Variants in GALNS observed in about 807,000 individuals in gnomAD.
GALNS encodes the protein galactosamine (N-acetyl)-6-sulfatase, also known as N-acetylgalactosamine-6-sulfatase.
In GALNS, 65 loss-of-function variants were observed where a neutral mutation model predicts 65.9. The observed-to-expected ratio is 0.99, with a 90% confidence interval of 0.81 to 1.21. The LOEUF is 1.21. Ranked by LOEUF, GALNS falls within the 50% of genes most tolerant of loss-of-function variation. GALNS has a pLI of 0.00. For missense variants in GALNS, 776 were observed against 700.7 expected, an observed-to-expected ratio of 1.11 and a Z score of -1.21; for synonymous variants, 346 against 288.9, an observed-to-expected ratio of 1.20 and a Z score of -2.00.
At chr16:88,854,395 G>A (rs181265950) in intron 1 of GALNS, among the ~76,000 whole-genome samples, 9 of 152,238 alleles carry the variant, frequency 5.9e-5, no homozygotes, top group Non-Finnish European at 7.3e-5. Flanking sequence ...GGGCTCCACT[G>A]TGAGCTTCTG....
chr16:88,841,630 C>T (rs921553810), intron 3 of GALNS, among the ~76,000 whole-genome samples: 7 of 152,216 alleles, frequency 4.6e-5, no homozygotes, highest in Admixed American at 4.6e-4. Context: ...GCTCACCCGC[C>T]TGGGGAGTGG....
In GALNS at chr16:88,815,607, G is replaced by C. The variant is rs560849283; in HGVS notation, c.1483-1082C>G. 1.0e-5 allele frequency: 10 copies of C among 985,372 alleles called. No homozygotes were observed. In the African/African-American group the frequency reaches 1.6e-4, roughly 15 times the overall value. The allele number at this position is 985,372 out of a possible 1,614,324, so 61.0% of individuals were successfully genotyped here. On this transcript the variant is annotated intron_variant, in intron 13 of 13. Coordinates refer to ENST00000268695, the MANE Select transcript of GALNS (RefSeq NM_000512.5). ...GCTGAAATGAGTGCAGTTTGGTTCT[G>C]TGTCCCCATCCAGGCCACTTCTGTG...
At chr16:88,836,578 C>T (rs1225621906) in intron 5 of GALNS, among the ~76,000 whole-genome samples, 1 of 152,016 alleles carries the variant, frequency 6.6e-6, no homozygotes, top group African/African-American at 2.4e-5. Context: ...TGCTTGAACC[C>T]AGGAGGCGGA....
rs767033193 is a variant in GALNS at position 88,835,748 on chromosome 16, G to T, written c.735C>A (p.Phe245Leu). 2 of 1,614,136 alleles carry T rather than the reference G, an allele frequency of 1.2e-6. No homozygotes were observed. Among genetic ancestry groups the T allele is most frequent in the Non-Finnish European group, 1.7e-6 (2 of 1,180,036 alleles). Residue 245 changes from phenylalanine to leucine, a missense_variant, in exon 7 of 14, where the codon TTC becomes TTA. Physicochemically the swap from Phe to Leu is conservative, Grantham distance 22. Coordinates refer to ENST00000268695, the MANE Select transcript of GALNS (RefSeq NM_000512.5). ...ACCGCCCTCGCTGACTGGTGCCCAA[G>T]AAGGGTTTGGAGGCATAGACGGGTG... The part of the protein sequence containing the change: ...THAPVYASKP[F>L]LGTSQRGRYG...
rs555819580 is a variant in GALNS at position 88,819,323 on chromosome 16, G to A, written c.1365-1199C>T. Among the ~76,000 whole-genome samples, 18 of 152,276 alleles carry A rather than the reference G, an allele frequency of 1.2e-4. No homozygotes were observed. In the South Asian group the frequency reaches 1.9e-3, roughly 16 times the overall value. On this transcript the variant is annotated intron_variant, in intron 12 of 13. Coordinates refer to ENST00000268695, the MANE Select transcript of GALNS (RefSeq NM_000512.5). The stretch of plus-strand genomic sequence containing the variant: ...CTTCAGGGCTCCCCGCTTGGTGCCC[G>A]CGGAGATGCCTGTCCTGGTCCCAGC...
At chr16:88,837,522 A>G (rs1457082276) in intron 5 of GALNS, 100 bp downstream of exon 5, 4 of 1,263,188 alleles carry the variant, frequency 3.2e-6, no homozygotes, top group South Asian at 1.2e-5. Context: ...ACCAGCCCTC[A>G]TGAGTGGCGA....
chr16:88,846,509 C>CTTTTTTTT (rs59223444), intron 1 of GALNS, among the ~76,000 whole-genome samples: 4 of 88,702 alleles, frequency 4.5e-5, no homozygotes, highest in Non-Finnish European at 6.4e-5. Context: ...GCGTTTCTGG[C>CTTTTTTTT]TTTTTTTTTT....
Position 88,841,062 on chromosome 16 carries a change from G to C in GALNS, c.352C>G (p.Pro118Ala). The C allele has an allele frequency of 6.2e-7, 1 of 1,613,102 alleles. No homozygotes were observed. The highest frequency in any genetic ancestry group is 2.2e-5 in the East Asian group (1 of 44,874). The change falls in exon 4 of 14, where the codon CCA becomes GCA. Residue 118 changes from proline to alanine, a missense_variant. By Grantham distance (27) the Pro-to-Ala change is conservative. Coordinates refer to ENST00000268695, the MANE Select transcript of GALNS (RefSeq NM_000512.5). ...YTPQEIVGGI[P>A]DSEQLLPELL... ...TCCGGCAGGAGCTGCTCCGAGTCTGGGATGCCGCCCACAATCTCCTGCGGT... is the reference window on the plus strand; with the variant it reads ...TCCGGCAGGAGCTGCTCCGAGTCTGCGATGCCGCCCACAATCTCCTGCGGT...
intron 9 of GALNS, among the ~76,000 whole-genome samples, chr16:88,827,731 C>A (rs1432392211): frequency 1.3e-5 from 2 of 152,226 alleles, no homozygotes; most frequent in Non-Finnish European, 2.9e-5. Flanking sequence ...CAGGCATGAG[C>A]CCGGCGGCCC....
intron 12 of GALNS, among the ~76,000 whole-genome samples, chr16:88,820,851 G>A (rs1451950003): frequency 6.6e-6 from 1 of 152,202 alleles, no homozygotes; most frequent in Non-Finnish European, 1.5e-5. Flanking sequence ...TGTGGGGGGT[G>A]TGGCGGGCAC....
In GALNS at chr16:88,841,038, C is replaced by A. The variant is rs1177468816; in HGVS notation, c.376G>T (p.Glu126Ter). ...ACGTAGCCGGCCTTCTTCAGAAGCTCCGGCAGGAGCTGCTCCGAGTCTGGG... is the reference window on the plus strand; with the variant it reads ...ACGTAGCCGGCCTTCTTCAGAAGCTACGGCAGGAGCTGCTCCGAGTCTGGG... ...GIPDSEQLLP[E>*]LLKKAGYVSK... Residue 126 changes from glutamate to a stop codon, truncating the protein, a stop_gained, in exon 4 of 14, where the codon GAG (glutamate) becomes TAG (stop). Coordinates refer to ENST00000268695, the MANE Select transcript of GALNS (RefSeq NM_000512.5). LOFTEE classifies it high-confidence loss of function. 8.1e-6 allele frequency: 13 copies of A among 1,613,248 alleles called. No individual in the cohort carries two copies. Among genetic ancestry groups the A allele is most frequent in the Non-Finnish European group, 1.1e-5 (13 of 1,180,016 alleles).
chr16:88,815,356 C>A, intron 13 of GALNS: 1 of 985,490 alleles, frequency 1.0e-6, no homozygotes, highest in Non-Finnish European at 1.2e-6. Context: ...ATCACCCTCT[C>A]CTGCAGCTTC....
rs145131011 is a variant in GALNS, at chr16:88,835,768, C to T, written c.715G>A (p.Val239Ile). 94 of 1,614,134 alleles carry T rather than the reference C, an allele frequency of 5.8e-5. No individual in the cohort carries two copies. Among genetic ancestry groups the T allele is most frequent in the Admixed American group, 1.0e-4 (6 of 60,024 alleles). ...YWAVDATHAP[V>I]YASKPFLGTS... ...CCCAAGAAGGGTTTGGAGGCATAGA[C>T]GGGTGCGTGCGTGGCGTCGACAGCC... The change falls in exon 7 of 14, where the codon GTC becomes ATC. Residue 239 changes from valine to isoleucine, a missense_variant. By Grantham distance (29) the Val-to-Ile change is conservative. Coordinates refer to ENST00000268695, the MANE Select transcript of GALNS (RefSeq NM_000512.5).
chr16:88,832,327 G>A (rs948803927), intron 8 of GALNS, among the ~76,000 whole-genome samples: 11 of 152,184 alleles, frequency 7.2e-5, no homozygotes, highest in Non-Finnish European at 1.6e-4. Flanking sequence ...GCCCACTGAG[G>A]AAATGGAAAC....
In GALNS at chr16:88,831,989, C is replaced by T; in HGVS notation, c.1002+9G>A. ...CTGCTGCCCGGCAGACCGGTGGACGCTGACTCACCTGGCCTGCAGTGACGT... is the reference window on the plus strand; with the variant it reads ...CTGCTGCCCGGCAGACCGGTGGACGTTGACTCACCTGGCCTGCAGTGACGT... On this transcript the variant is annotated intron_variant, in intron 9 of 13. Transcript: ENST00000268695. 1 of 1,611,778 alleles carries T rather than the reference C, an allele frequency of 6.2e-7. No individual in the cohort carries two copies. Among genetic ancestry groups the T allele is most frequent in the Non-Finnish European group, 8.5e-7 (1 of 1,178,752 alleles).
In GALNS at chr16:88,818,132, CAG is replaced by C. The variant is rs756583048; in HGVS notation, c.1365-10_1365-9del. 3.8e-6 allele frequency: 6 copies of C among 1,569,936 alleles called. No individual in the cohort carries two copies. In the African/African-American group the frequency reaches 4.0e-5, roughly 11 times the overall value. Reference sequence around the variant, plus strand: ...TACTCGGCGCTGGCAAAGCTGGGGACAGAGAGCTCTGGTCACACGGCTGGGGC... The same window carrying C: ...TACTCGGCGCTGGCAAAGCTGGGGACAGAGCTCTGGTCACACGGCTGGGGC... On this transcript the variant is annotated splice_polypyrimidine_tract_variant and intron_variant, in intron 12 of 13. Coordinates refer to ENST00000268695, the MANE Select transcript of GALNS (RefSeq NM_000512.5).
intron 3 of GALNS, 80 bp downstream of exon 3, chr16:88,841,817 C>T (rs1966985780): frequency 3.8e-6 from 5 of 1,313,270 alleles, no homozygotes; most frequent in East Asian, 2.5e-5. Flanking sequence ...ACCCGAGTCC[C>T]GGAGACACGG....
intron 9 of GALNS, among the ~76,000 whole-genome samples, chr16:88,829,800 C>A (rs1482836657): frequency 6.6e-6 from 1 of 152,228 alleles, no homozygotes; most frequent in Non-Finnish European, 1.5e-5. Context: ...CAGCCAATCC[C>A]TGGGCCTTCA....
intron 12 of GALNS, among the ~76,000 whole-genome samples, 176 bp from the exon 13 acceptor site, chr16:88,818,300 G>T (rs1909851701): frequency 1.3e-5 from 2 of 152,220 alleles, no homozygotes; most frequent in Non-Finnish European, 2.9e-5. Flanking sequence ...ACAGGCAGCA[G>T]GCACCCGAGC....
Sources: allele counts gnomAD v4.1 joint callset (sites outside exome capture counted in the v4.1 genomes callset), GRCh38; gene constraint gnomAD v4.1.1; transcripts MANE v1.5; gene names NCBI Gene and HGNC (gene_info 2026-07-23, HGNC 2026-07-21).